The following TMCO5A variants were observed in gnomAD, a reference collection of about 807,000 sequenced individuals.
TMCO5A encodes the protein transmembrane and coiled-coil domains 5A, also known as transmembrane and coiled-coil domain-containing protein 5A.
In TMCO5A, 34 loss-of-function variants were observed where a neutral mutation model predicts 42.3. That is an observed-to-expected ratio of 0.80 (90% CI 0.61 to 1.07). TMCO5A has a LOEUF of 1.07. TMCO5A is among the 50% of genes least tolerant of loss of function. The pLI is 0.00. For synonymous variants in TMCO5A, 131 were observed against 115.6 expected, an observed-to-expected ratio of 1.13 and a Z score of -0.86; for missense variants, 357 against 327.9, an observed-to-expected ratio of 1.09 and a Z score of -0.69.
chr15:37,941,271 C>G, intron 7 of TMCO5A, 66 bp downstream of exon 7: 1 of 1,484,486 alleles, frequency 6.7e-7, no homozygotes, highest in South Asian at 1.2e-5. Context: ...GTCAGGCAAT[C>G]TATTTCTCAA....
At chr15:37,994,713 C>A in the TMCO5A span, 1 of 152,162 alleles carries the variant, frequency 6.6e-6, no homozygotes, top group African/African-American at 2.4e-5. Context: ...TCGTCATCAG[C>A]CCGTATTCAG....
Position 37,951,349 on chromosome 15 carries a change from C to A in TMCO5A, c.*115C>A. ...GCTTCAGTTTTTTCCTCACCGTTTG[C>A]CTGCTTGACTACCTTCTGTCACCAC... On this transcript the variant is annotated 3_prime_UTR_variant, in exon 12 of 12. Coordinates refer to ENST00000319669, the MANE Select transcript of TMCO5A (RefSeq NM_152453.4). 2.1e-6 allele frequency: 2 copies of A among 956,448 alleles called. No homozygotes were observed. Among genetic ancestry groups the A allele is most frequent in the Non-Finnish European group, 3.2e-6 (2 of 634,438 alleles). The allele number at this position is 956,448 out of a possible 1,614,324, so 59.2% of individuals were successfully genotyped here. A position where few individuals can be genotyped will look rare whatever the true frequency, so the allele number is the denominator to read the frequency against.
At chr15:38,036,492 TCTCTCACACACA>T in the TMCO5A span, among the ~76,000 whole-genome samples, 3 of 86,870 alleles carry the variant, frequency 3.5e-5, no homozygotes, top group African/African-American at 1.7e-4. Flanking sequence ...TGTCTCTCTC[TCTCTCACACACA>T]CACACACACA....
Position 37,937,367 on chromosome 15 carries a change from G to C in TMCO5A, c.286G>C (p.Val96Leu), listed in dbSNP as rs1889554865. 1.2e-6 allele frequency: 2 copies of C among 1,613,068 alleles called. No individual in the cohort carries two copies. Among genetic ancestry groups the C allele is most frequent in the Non-Finnish European group, 1.7e-6 (2 of 1,179,362 alleles). ...ACAGGAAAGGAAGAATAAGACGTTG[G>C]TCCACAGTATAACAGAACTTCAACA... is the stretch of plus-strand genomic sequence containing the variant. Reference protein sequence around the residue: ...ARLERKNKTLVHSITELQQKL... With the variant: ...ARLERKNKTLLHSITELQQKL... The change falls in exon 5 of 12, where the codon GTC becomes CTC. Residue 96 changes from valine (V) to leucine (L), a missense_variant. Coordinates refer to ENST00000319669, the MANE Select transcript of TMCO5A (RefSeq NM_152453.4).
At chr15:37,977,068 A>G in the TMCO5A span, among the ~76,000 whole-genome samples, 4 of 152,240 alleles carry the variant, frequency 2.6e-5, no homozygotes, top group East Asian at 3.9e-4. Flanking sequence ...CACCGCATCC[A>G]GCCTGGTTCT....
At chr15:38,016,406 T>A in the TMCO5A span, among the ~76,000 whole-genome samples, 1 of 152,144 alleles carries the variant, frequency 6.6e-6, no homozygotes, top group Non-Finnish European at 1.5e-5. Flanking sequence ...CAATGGGGAC[T>A]CCTCATGAAC....
At chr15:37,957,489 A>G (rs1005781993) in intron 11 of TMCO5A, among the ~76,000 whole-genome samples, 1 of 152,162 alleles carries the variant, frequency 6.6e-6, no homozygotes, top group East Asian at 1.9e-4. Context: ...CCCATTCACA[A>G]TTGCTACAAA....
chr15:37,992,915 G>T, the TMCO5A span, among the ~76,000 whole-genome samples: 1 of 152,078 alleles, frequency 6.6e-6, no homozygotes, highest in Non-Finnish European at 1.5e-5. Flanking sequence ...TTTATTACCT[G>T]GGTGATAAAA....
At chr15:38,029,727 GGT>G in the TMCO5A span, among the ~76,000 whole-genome samples, 152 of 152,284 alleles carry the variant, frequency 1.0e-3, 2 homozygotes, top group East Asian at 6.8e-3. Flanking sequence ...TGGGATTACA[GGT>G]GTGCGCCACC....
intron 11 of TMCO5A, among the ~76,000 whole-genome samples, chr15:37,948,869 G>A (rs77889630): frequency 0.022 from 3,339 of 152,060 alleles, 138 homozygotes; most frequent in African/African-American, 0.078. Context: ...GGAGAGTGGT[G>A]GGAAGATGTG....
chr15:37,945,568 C>T (rs1244808434), intron 10 of TMCO5A, among the ~76,000 whole-genome samples: 1 of 151,968 alleles, frequency 6.6e-6, no homozygotes, highest in Non-Finnish European at 1.5e-5. Context: ...AATAGCAATT[C>T]TACTGGTGTC....
chr15:37,940,461 G>A (rs544573288), intron 6 of TMCO5A, among the ~76,000 whole-genome samples: 1 of 152,084 alleles, frequency 6.6e-6, no homozygotes, highest in African/African-American at 2.4e-5. Context: ...TTAGACTTTA[G>A]CTCAAGTATC....
Position 37,951,329 on chromosome 15 carries a change from A to G in TMCO5A, c.*95A>G, listed in dbSNP as rs1302817119. Reference sequence around the variant, plus strand: ...CTTGTGGAGGAAAGAGATTTGCTTCAGTTTTTTCCTCACCGTTTGCCTGCT... The same window carrying G: ...CTTGTGGAGGAAAGAGATTTGCTTCGGTTTTTTCCTCACCGTTTGCCTGCT... On this transcript the variant is annotated 3_prime_UTR_variant, in exon 12 of 12. Coordinates refer to ENST00000319669, the MANE Select transcript of TMCO5A (RefSeq NM_152453.4). 7.8e-7 allele frequency: 1 copy of G among 1,275,532 alleles called. No individual in the cohort carries two copies. Among genetic ancestry groups the G allele is most frequent in the Admixed American group, 2.0e-5 (1 of 49,680 alleles). 79.0% of individuals were successfully genotyped at this position (1,275,532 alleles called of 1,614,324 possible). A position where few individuals can be genotyped will look rare whatever the true frequency, so the allele number is the denominator to read the frequency against.
chr15:37,960,233 C>T (rs1250982044), intron 11 of TMCO5A, among the ~76,000 whole-genome samples: 1 of 151,764 alleles, frequency 6.6e-6, no homozygotes, highest in Non-Finnish European at 1.5e-5. Context: ...CATTCTTATG[C>T]CTTTGCGTCC....
the TMCO5A span, among the ~76,000 whole-genome samples, chr15:38,015,786 C>T: frequency 6.6e-6 from 1 of 152,056 alleles, no homozygotes; most frequent in Admixed American, 6.6e-5. Context: ...ACATATATTA[C>T]CAAGTGAAAG....
the TMCO5A span, among the ~76,000 whole-genome samples, chr15:37,973,494 C>T: frequency 6.6e-6 from 1 of 152,040 alleles, no homozygotes; most frequent in African/African-American, 2.4e-5. Context: ...TTTTCACCTC[C>T]TTGGTTAGCT....
the TMCO5A span, among the ~76,000 whole-genome samples, chr15:38,008,984 A>G: frequency 1.3e-5 from 2 of 152,230 alleles, no homozygotes; most frequent in African/African-American, 2.4e-5. Context: ...TCTGCCCCCA[A>G]GAAGAAACAT....
the TMCO5A span, among the ~76,000 whole-genome samples, chr15:37,976,764 G>GTTTC: frequency 5.6e-5 from 8 of 142,606 alleles, no homozygotes; most frequent in South Asian, 2.3e-4. Flanking sequence ...GATCAGTTTG[G>GTTTC]TTTCTTTCTT....
chr15:38,036,400 C>T, the TMCO5A span, among the ~76,000 whole-genome samples: 8 of 152,016 alleles, frequency 5.3e-5, no homozygotes, highest in East Asian at 1.9e-4. Flanking sequence ...CAGAATTCCA[C>T]ACCCAGCCTA....
Sources: allele counts gnomAD v4.1 joint callset (sites outside exome capture counted in the v4.1 genomes callset), GRCh38; gene constraint gnomAD v4.1.1; transcripts MANE v1.5; gene names NCBI Gene and HGNC (gene_info 2026-07-23, HGNC 2026-07-21).